FILIP1: variants seen among roughly 807,000 people sequenced by gnomAD.
FILIP1 encodes the protein filamin A interacting protein 1.
A neutral mutation model predicts 102.1 loss-of-function variants in FILIP1; 61 were observed. That is an observed-to-expected ratio of 0.60 (90% CI 0.49 to 0.74). FILIP1 has a LOEUF of 0.74. Ranked by LOEUF, FILIP1 falls within the 30% of genes least tolerant of loss-of-function variation. The pLI, the probability that FILIP1 is intolerant of heterozygous loss-of-function variation, is 0.00. For synonymous variants in FILIP1, 491 were observed against 526.9 expected (o/e 0.93, Z 0.93); for missense variants, 1,314 against 1,441.2 (o/e 0.91, Z 1.43).
intron 2 of FILIP1, among the ~76,000 whole-genome samples, chr6:75,389,219 G>A (rs1351003195): frequency 6.6e-6 from 1 of 152,224 alleles, no homozygotes; most frequent in Admixed American, 6.5e-5. Flanking sequence ...CAGGGATGAA[G>A]CTGACTTGAT....
At chr6:75,398,316 A>G (rs1214718903) in intron 2 of FILIP1, among the ~76,000 whole-genome samples, 2 of 152,172 alleles carry the variant, frequency 1.3e-5, no homozygotes, top group African/African-American at 2.4e-5. Context: ...CATAGTAATT[A>G]TGAGGTCGTT....
chr6:75,456,117 T>C (rs539034604), intron 1 of FILIP1, among the ~76,000 whole-genome samples: 19 of 152,300 alleles, frequency 1.2e-4, no homozygotes, highest in Admixed American at 5.9e-4. Flanking sequence ...ACTAAGAGGC[T>C]AGTGGTTCTC....
chr6:75,363,257 T>C (rs1002351832), intron 2 of FILIP1, among the ~76,000 whole-genome samples: 4 of 152,164 alleles, frequency 2.6e-5, no homozygotes, highest in Non-Finnish European at 5.9e-5. Flanking sequence ...CCAGTGCACA[T>C]GAGGTCAATG....
chr6:75,413,716 G>A (rs1777155876), intron 2 of FILIP1, among the ~76,000 whole-genome samples: 1 of 151,106 alleles, frequency 6.6e-6, no homozygotes, highest in South Asian at 2.1e-4. Flanking sequence ...AAAGGCTCAT[G>A]CAAGCTAAGA....
At chr6:75,320,427 A>C (rs986184060) in intron 4 of FILIP1, among the ~76,000 whole-genome samples, 1 of 151,988 alleles carries the variant, frequency 6.6e-6, no homozygotes, top group African/African-American at 2.4e-5. Flanking sequence ...AAAAACAAAA[A>C]TTAGCTGTGT....
intron 3 of FILIP1, chr6:75,361,967 A>C (rs1426785920): frequency 6.6e-6 from 1 of 152,234 alleles, no homozygotes; most frequent in Non-Finnish European, 1.5e-5. Context: ...GAATTATCAA[A>C]CTGAGCTGAT....
At chr6:75,323,824 G>T (rs1301654138) in intron 4 of FILIP1, among the ~76,000 whole-genome samples, 5 of 142,484 alleles carry the variant, frequency 3.5e-5, no homozygotes, top group African/African-American at 1.3e-4. Flanking sequence ...TAGGTGATTG[G>T]ATAGGGGTGG....
chr6:75,345,162 T>G (rs1378675507), intron 4 of FILIP1, among the ~76,000 whole-genome samples: 1 of 152,184 alleles, frequency 6.6e-6, no homozygotes, highest in Non-Finnish European at 1.5e-5. Flanking sequence ...TACAGTAAAG[T>G]GTACTTCTTG....
chr6:75,299,188 A>G (rs1772767719), intron 6 of FILIP1, among the ~76,000 whole-genome samples: 1 of 152,134 alleles, frequency 6.6e-6, no homozygotes, highest in African/African-American at 2.4e-5. Flanking sequence ...ATTTTATTCC[A>G]TCTCCTACTG....
intron 1 of FILIP1, among the ~76,000 whole-genome samples, chr6:75,418,773 C>T (rs1399678219): frequency 2.0e-5 from 3 of 152,132 alleles, no homozygotes; most frequent in Non-Finnish European, 4.4e-5. Context: ...TTTTATAACC[C>T]TTTTTAAAAA....
chr6:75,421,064 A>T (rs1040404521), intron 1 of FILIP1, among the ~76,000 whole-genome samples: 1 of 152,186 alleles, frequency 6.6e-6, no homozygotes, highest in Non-Finnish European at 1.5e-5. Flanking sequence ...ATTTGGAGAG[A>T]TTTCTAACAC....
At chr6:75,403,514 C>CAAAAAA (rs766214016) in intron 2 of FILIP1, among the ~76,000 whole-genome samples, 2 of 28,786 alleles carry the variant, frequency 6.9e-5, no homozygotes, top group East Asian at 7.0e-4. Flanking sequence ...CTCTGTCCCA[C>CAAAAAA]AAAAAAAAAA....
At chr6:75,375,564 C>G (rs1295829256) in intron 2 of FILIP1, among the ~76,000 whole-genome samples, 1 of 152,212 alleles carries the variant, frequency 6.6e-6, no homozygotes, top group Non-Finnish European at 1.5e-5. Context: ...GCTTGGCATT[C>G]TCACCAAGCG....
chr6:75,411,478 A>T (rs1777068525), intron 2 of FILIP1, among the ~76,000 whole-genome samples: 1 of 152,188 alleles, frequency 6.6e-6, no homozygotes, highest in South Asian at 2.1e-4. Flanking sequence ...TGTTTTAGTC[A>T]AGAAGTCTTT....
intron 1 of FILIP1, chr6:75,453,920 G>A (rs1004408600): frequency 8.8e-6 from 4 of 456,034 alleles, no homozygotes; most frequent in African/African-American, 8.0e-5. Context: ...TGCCACTAAT[G>A]AAGACAGAAA....
rs145791933 is a variant in FILIP1 at position 75,488,568 on chromosome 6, T to C, written c.-7+4846A>G. On this transcript the variant is annotated intron_variant, in intron 1 of 5. Transcript: ENST00000237172. Reference sequence around the variant, plus strand: ...ATTTCCTTCTTTTCTTTCTTTATTTTACTTTTCCTTCCTACCTTCCTTTGT... The same window carrying C: ...ATTTCCTTCTTTTCTTTCTTTATTTCACTTTTCCTTCCTACCTTCCTTTGT... Among the ~76,000 whole-genome samples the C allele has an allele frequency of 2.2e-4, 34 of 152,332 alleles. No homozygotes were observed. In the East Asian group the frequency reaches 6.6e-3, roughly 29 times the overall value.
intron 4 of FILIP1, among the ~76,000 whole-genome samples, chr6:75,327,116 A>G (rs997270468): frequency 6.6e-6 from 1 of 152,114 alleles, no homozygotes; most frequent in Non-Finnish European, 1.5e-5. Flanking sequence ...TTCCCCATGA[A>G]TCTGTTCCAA....
At chr6:75,382,971 T>C (rs1775953166) in intron 2 of FILIP1, among the ~76,000 whole-genome samples, 1 of 152,212 alleles carries the variant, frequency 6.6e-6, no homozygotes, top group Admixed American at 6.5e-5. Context: ...ATGGTGACCA[T>C]ATATTTTGAG....
At chr6:75,365,662 C>G (rs1232977998) in intron 2 of FILIP1, among the ~76,000 whole-genome samples, 1 of 152,040 alleles carries the variant, frequency 6.6e-6, no homozygotes, top group Non-Finnish European at 1.5e-5. Flanking sequence ...GCTGGGATTA[C>G]AGGCGTGAGC....
Sources: gnomAD v4.1 joint callset for allele counts (sites outside exome capture counted in the v4.1 genomes callset) on GRCh38, gnomAD v4.1.1 for gene constraint, MANE v1.5 for transcripts, NCBI Gene and HGNC (gene_info 2026-07-23, HGNC 2026-07-21) for gene names.